Variants in ST14 observed in about 807,000 individuals in gnomAD.
ST14 encodes ST14 transmembrane serine protease matriptase.
ST14 carries 40 observed loss-of-function variants against 96.5 expected under a neutral mutation model. The observed-to-expected ratio is 0.41, with a 90% CI of 0.32 to 0.54. ST14 has a LOEUF of 0.54. ST14 is among the 20% of genes least tolerant of loss of function. ST14 has a pLI of 0.17. For synonymous variants in ST14, 506 were observed against 492.1 expected (o/e 1.03, Z -0.37); for missense variants, 1,066 against 1,188.9 (o/e 0.90, Z 1.52).
In ST14 at chr11:130,208,698, T is replaced by G. The variant is rs1953515011; in HGVS notation, c.2269+14T>G. ...CCCAGTATGGAGGTAAGCTTCGGGCTGACCTAGGGCTCCGCAGAGGGCCTG... is the reference window on the plus strand; with the variant it reads ...CCCAGTATGGAGGTAAGCTTCGGGCGGACCTAGGGCTCCGCAGAGGGCCTG... On this transcript the variant is annotated intron_variant, in intron 17 of 18. Transcript: ENST00000278742. 3 of 1,610,506 alleles carry G rather than the reference T, an allele frequency of 1.9e-6. No individual in the cohort carries two copies. In the Admixed American group the frequency reaches 5.0e-5, roughly 27 times the overall value.
chr11:130,184,640 A>G (rs770109340), intron 1 of ST14, among the ~76,000 whole-genome samples: 1 of 152,176 alleles, frequency 6.6e-6, no homozygotes, highest in African/African-American at 2.4e-5. Context: ...AAGAAAGGAC[A>G]TTGTTAGAAA....
intron 1 of ST14, among the ~76,000 whole-genome samples, chr11:130,178,286 T>C (rs527577904): frequency 8.4e-6 from 1 of 118,736 alleles, no homozygotes; most frequent in African/African-American, 5.7e-5. Flanking sequence ...GAAGAGTTTC[T>C]GATGTTGGCA....
At chr11:130,171,932 C>T (rs1358721738) in intron 1 of ST14, among the ~76,000 whole-genome samples, 2 of 152,156 alleles carry the variant, frequency 1.3e-5, no homozygotes, top group Non-Finnish European at 2.9e-5. Flanking sequence ...GACAACAAGA[C>T]CCTCCTGCCC....
At chr11:130,196,901 C>G (rs1177718452) in intron 11 of ST14, 11 of 729,274 alleles carry the variant, frequency 1.5e-5, no homozygotes, top group Non-Finnish European at 2.5e-5. Flanking sequence ...AGCGCTGGCA[C>G]ACACTGTGTC....
In ST14 at chr11:130,189,210, T is replaced by C. The variant is rs560565466; in HGVS notation, c.440+271T>C. Reference sequence around the variant, plus strand: ...TGCCAGGAACGGCTGTGATTCTTTGTTGTTTTTCCAAATTTGGGTATGGGG... The same window carrying C: ...TGCCAGGAACGGCTGTGATTCTTTGCTGTTTTTCCAAATTTGGGTATGGGG... On this transcript the variant is annotated intron_variant, in intron 4 of 18. Transcript: ENST00000278742. 7 of 564,950 alleles carry C rather than the reference T, an allele frequency of 1.2e-5. No individual in the cohort carries two copies. In the East Asian group the frequency reaches 2.1e-4, roughly 17 times the overall value. 35.0% of individuals were successfully genotyped at this position (564,950 alleles called of 1,614,324 possible).
At chr11:130,206,687 C>G (rs1462917499) in intron 16 of ST14, among the ~76,000 whole-genome samples, 1 of 151,940 alleles carries the variant, frequency 6.6e-6, no homozygotes, top group African/African-American at 2.4e-5. Flanking sequence ...CCTGCCTCAG[C>G]CTCCTGAGTA....
chr11:130,195,650 C>T (rs974537209), intron 9 of ST14, among the ~76,000 whole-genome samples: 7 of 151,252 alleles, frequency 4.6e-5, no homozygotes, highest in Non-Finnish European at 7.4e-5. Context: ...GTCAGGAGTT[C>T]GAGACCAGCC....
At chr11:130,196,526 C>G in intron 10 of ST14, 44 bp from the exon 11 acceptor site, 2 of 1,540,762 alleles carry the variant, frequency 1.3e-6, no homozygotes, top group Non-Finnish European at 1.8e-6. Context: ...AGCCCCCCGG[C>G]TCCCAGCTGT....
Position 130,188,096 on chromosome 11 carries a change from G to A in ST14, c.82-18G>A. On this transcript the variant is annotated intron_variant, in intron 1 of 18. Coordinates refer to ENST00000278742, the MANE Select transcript of ST14 (RefSeq NM_021978.4). The surrounding 1 kb of genome is among the most constrained non-coding windows in gnomAD (Gnocchi z 5.4). ...AGCGGGTGAGAGGGTCTGAGTGGTG[G>A]CGCCTCTCTCCCTGCAGAAAGTGAA... is the stretch of plus-strand genomic sequence containing the variant. The A allele has an allele frequency of 6.2e-7, 1 of 1,613,822 alleles. No homozygotes were observed. The highest frequency in any genetic ancestry group is 8.5e-7 in the Non-Finnish European group (1 of 1,179,888).
At chr11:130,189,953 C>G (rs1217465170) in intron 5 of ST14, 57 bp downstream of exon 5, 3 of 1,612,970 alleles carry the variant, frequency 1.9e-6, no homozygotes, top group Non-Finnish European at 2.5e-6. Context: ...TGGAGTGGGG[C>G]TGGGCCCTGG....
intron 14 of ST14, 74 bp downstream of exon 14, chr11:130,198,695 G>A (rs551154871): frequency 1.4e-6 from 2 of 1,425,226 alleles, no homozygotes; most frequent in South Asian, 2.3e-5. Flanking sequence ...ACACGCACAT[G>A]CAGGACGCCC....
In ST14 at chr11:130,208,574, C is replaced by A. The variant is rs899419497; in HGVS notation, c.2159C>A (p.Pro720Gln). Residue 720 changes from proline to glutamine, a missense_variant, in exon 17 of 19, where the codon CCG (proline) becomes CAG (glutamine). By Grantham distance (76) the Pro-to-Gln change is moderately conservative. Coordinates refer to ENST00000278742, the MANE Select transcript of ST14 (RefSeq NM_021978.4). ...ATCGCGCTGCTGGAGCTGGAGAAACCGGCAGAGTACAGCTCCATGGTGCGG... is the reference window on the plus strand; with the variant it reads ...ATCGCGCTGCTGGAGCTGGAGAAACAGGCAGAGTACAGCTCCATGGTGCGG... ...YDIALLELEK[P>Q]AEYSSMVRPI... 2 of 1,614,086 alleles carry A rather than the reference C, an allele frequency of 1.2e-6. No individual in the cohort carries two copies. Among genetic ancestry groups the A allele is most frequent in the Admixed American group, 1.7e-5 (1 of 60,012 alleles).
intron 1 of ST14, among the ~76,000 whole-genome samples, chr11:130,177,246 T>G (rs1446630890): frequency 6.6e-6 from 1 of 152,120 alleles, no homozygotes; most frequent in African/African-American, 2.4e-5. Flanking sequence ...AATAATTGGC[T>G]TCCTCTTCTT....
rs1953255523 is a variant in ST14, at chr11:130,188,121, A to T, written c.89A>T (p.Asn30Ile). The T allele has an allele frequency of 1.9e-6, 3 of 1,614,076 alleles. No homozygotes were observed. The highest frequency in any genetic ancestry group is 1.7e-6 in the Non-Finnish European group (2 of 1,179,994). ...LKYNSRHEKV[N>I]GLEEGVEFLP... The stretch of plus-strand genomic sequence containing the variant: ...GCGCCTCTCTCCCTGCAGAAAGTGA[A>T]TGGCTTGGAGGAAGGCGTGGAGTTC... The change falls in exon 2 of 19, where the codon AAT becomes ATT. Residue 30 changes from asparagine (N) to isoleucine (I), a missense_variant. By Grantham distance (149) the Asn-to-Ile change is moderately radical (BLOSUM62 -3). Coordinates refer to ENST00000278742, the MANE Select transcript of ST14 (RefSeq NM_021978.4). The surrounding 1 kb of genome is among the most constrained non-coding windows in gnomAD (Gnocchi z 5.4).
chr11:130,163,226 G>GC (rs1339397363), intron 1 of ST14, among the ~76,000 whole-genome samples: 4 of 152,088 alleles, frequency 2.6e-5, no homozygotes, highest in African/African-American at 7.2e-5. Context: ...ACAGGGAAGT[G>GC]CCCCCAGGAT....
chr11:130,209,211 C>A (rs1953520819), intron 17 of ST14, among the ~76,000 whole-genome samples: 1 of 152,128 alleles, frequency 6.6e-6, no homozygotes, highest in African/African-American at 2.4e-5. Flanking sequence ...CCCCTGCTTG[C>A]CACGGCGTCT....
Position 130,194,968 on chromosome 11 carries a change from C to A in ST14, c.1113+231C>A, listed in dbSNP as rs552776710. ...TCCTTTATCAACCCCAAAGAGGCAG[C>A]CAGATGTCGTGACTCACACCTGTAA... is the stretch of plus-strand genomic sequence containing the variant. On this transcript the variant is annotated intron_variant, in intron 9 of 18. Coordinates refer to ENST00000278742, the MANE Select transcript of ST14 (RefSeq NM_021978.4). Among the ~76,000 whole-genome samples, 7 of 152,140 alleles carry A rather than the reference C, an allele frequency of 4.6e-5. No homozygotes were observed. In the East Asian group the frequency reaches 9.7e-4, roughly 21 times the overall value.
intron 17 of ST14, 62 bp downstream of exon 17, chr11:130,208,746 T>C: frequency 1.3e-6 from 2 of 1,548,406 alleles, no homozygotes; most frequent in Non-Finnish European, 1.7e-6. Flanking sequence ...AAGGCCGTGT[T>C]TCCTCTGCGT....
At chr11:130,195,155 G>A (rs190353612) in intron 9 of ST14, among the ~76,000 whole-genome samples, 79 of 152,216 alleles carry the variant, frequency 5.2e-4, no homozygotes, top group African/African-American at 1.9e-3. Context: ...GGCCGAGGTG[G>A]GAGGATCACT....
Sources: gnomAD v4.1 joint callset for allele counts (sites outside exome capture counted in the v4.1 genomes callset) on GRCh38, gnomAD v4.1.1 for gene constraint, Gnocchi (gnomAD v3.1) non-coding constraint, MANE v1.5 for transcripts, NCBI Gene and HGNC (gene_info 2026-07-23, HGNC 2026-07-21) for gene names.